Variants in DSTN observed in about 807,000 individuals in gnomAD.
The protein encoded by DSTN is destrin.
DSTN carries 10 observed loss-of-function variants against 16.8 expected under a neutral mutation model. That is an observed-to-expected ratio of 0.60 (90% CI 0.37 to 1.01). DSTN has a LOEUF of 1.01. DSTN is among the 50% of genes least tolerant of loss of function. The pLI, the probability that DSTN is intolerant of heterozygous loss-of-function variation, is 0.01. For synonymous variants in DSTN, 57 were observed against 58.9 expected (o/e 0.97, Z 0.14); for missense variants, 141 against 196.7 (o/e 0.72, Z 1.69).
chr20:17,578,351 G>T (rs56994243), intron 1 of DSTN, among the ~76,000 whole-genome samples: 9,478 of 152,216 alleles, frequency 0.062, 455 homozygotes, highest in African/African-American at 0.13. Flanking sequence ...TGGAGGTGGA[G>T]TCCTTTAATT....
rs2035679438 is a variant in DSTN at position 17,609,745 on chromosome 20, A to G, written c.*2599A>G. On this transcript the variant is annotated 3_prime_UTR_variant, in exon 4 of 4. Coordinates refer to ENST00000246069, the MANE Select transcript of DSTN (RefSeq NM_006870.4). ...GGTTCAGACCTCAGCTGATTGGTCTACTGTTGGTCAGGAACAAAACTGCAA... is the reference window on the plus strand; with the variant it reads ...GGTTCAGACCTCAGCTGATTGGTCTGCTGTTGGTCAGGAACAAAACTGCAA... 1 of 152,228 alleles carries G rather than the reference A, an allele frequency of 6.6e-6. No individual in the cohort carries two copies. The allele number at this position is 152,228 out of a possible 1,614,324, so 9.4% of individuals were successfully genotyped here.
chr20:17,585,242 T>C (rs1233533507), intron 1 of DSTN, among the ~76,000 whole-genome samples: 1 of 152,204 alleles, frequency 6.6e-6, no homozygotes, highest in African/African-American at 2.4e-5. Flanking sequence ...TTGGGAATTG[T>C]TAAAGACTTA....
At position 17,609,633 on chromosome 20, in the gene DSTN, G is replaced by A. The variant is rs532861129; in HGVS notation, c.*2487G>A. On this transcript the variant is annotated 3_prime_UTR_variant, in exon 4 of 4. Coordinates refer to ENST00000246069, the MANE Select transcript of DSTN (RefSeq NM_006870.4). ...ATAAAATGCTAGTAGTTAGTCTCTA[G>A]GGGAACTTTTGAGAAAGTCTCAGTG... is the stretch of plus-strand genomic sequence containing the variant. 2.0e-5 allele frequency: 3 copies of A among 152,204 alleles called. No individual in the cohort carries two copies. Among genetic ancestry groups the A allele is most frequent in the African/African-American group, 7.2e-5 (3 of 41,446 alleles). 9.4% of individuals were successfully genotyped at this position (152,204 alleles called of 1,614,324 possible). A position where few individuals can be genotyped will look rare whatever the true frequency, so the allele number is the denominator to read the frequency against.
chr20:17,574,725 C>CAAAAA (rs775060379), intron 1 of DSTN, among the ~76,000 whole-genome samples: 10 of 52,916 alleles, frequency 1.9e-4, no homozygotes, highest in African/African-American at 5.6e-4. Flanking sequence ...GACTCAGTCT[C>CAAAAA]AAAAAAAAAA....
intron 1 of DSTN, among the ~76,000 whole-genome samples, chr20:17,591,487 T>C (rs933757291): frequency 6.6e-6 from 1 of 152,222 alleles, no homozygotes; most frequent in African/African-American, 2.4e-5. Flanking sequence ...AATAAAGTAC[T>C]CTTACCACTA....
intron 1 of DSTN, among the ~76,000 whole-genome samples, chr20:17,582,381 G>A (rs567144215): frequency 5.4e-4 from 82 of 151,964 alleles, no homozygotes; most frequent in Middle Eastern, 3.4e-3. Context: ...ACCCGGCCCC[G>A]AAGTATACAT....
intron 1 of DSTN, chr20:17,576,481 A>T: frequency 6.3e-6 from 1 of 158,652 alleles, no homozygotes. Flanking sequence ...ATGGGGTGAC[A>T]GATGTTGCAG....
chr20:17,604,477 C>T, intron 2 of DSTN, 78 bp from the exon 3 acceptor site: 1 of 1,424,506 alleles, frequency 7.0e-7, no homozygotes, highest in African/African-American at 1.4e-5. Flanking sequence ...CAAATGTTTA[C>T]ACAAGCAAAT....
At chr20:17,595,320 A>ACAGAGAAAATAGAATCTTT (rs1255197401) in intron 1 of DSTN, among the ~76,000 whole-genome samples, 6 of 152,166 alleles carry the variant, frequency 3.9e-5, no homozygotes, top group Non-Finnish European at 5.9e-5. Flanking sequence ...CTTATACTTC[A>ACAGAGAAAATAGAATCTTT]CAGAGAAAAT....
At chr20:17,574,866 T>TTTTA (rs2035257518) in intron 1 of DSTN, among the ~76,000 whole-genome samples, 2 of 111,416 alleles carry the variant, frequency 1.8e-5, no homozygotes, top group East Asian at 2.8e-4. Context: ...TTTTCTTTTC[T>TTTTA]TTTGTTTTTT....
intron 2 of DSTN, among the ~76,000 whole-genome samples, chr20:17,603,440 C>T (rs2035608211): frequency 6.6e-6 from 1 of 152,070 alleles, no homozygotes; most frequent in Non-Finnish European, 1.5e-5. Context: ...TGGTATATGT[C>T]ATTTTGTTTT....
At chr20:17,570,829 C>T (rs2035195550) in intron 1 of DSTN, among the ~76,000 whole-genome samples, 2 of 152,160 alleles carry the variant, frequency 1.3e-5, no homozygotes, top group African/African-American at 4.8e-5. Flanking sequence ...ATCTGGCAAT[C>T]GGCTTCCAGC....
At chr20:17,570,301 C>A in intron 1 of DSTN, 90 bp downstream of exon 1, 1 of 1,370,374 alleles carries the variant, frequency 7.3e-7, no homozygotes, top group Non-Finnish European at 9.4e-7. Flanking sequence ...AGGGGGTGAG[C>A]CGTGCCTCAG....
At chr20:17,590,145 A>T (rs567144006) in intron 1 of DSTN, among the ~76,000 whole-genome samples, 10 of 152,336 alleles carry the variant, frequency 6.6e-5, no homozygotes, top group Admixed American at 6.5e-5. Context: ...TTTAATGCTC[A>T]CGTTTCAAAG....
chr20:17,572,372 T>C (rs537194535), intron 1 of DSTN, among the ~76,000 whole-genome samples: 7 of 152,336 alleles, frequency 4.6e-5, no homozygotes, highest in African/African-American at 7.2e-5. Context: ...AGCCTCCTTA[T>C]ACAGAGATTG....
intron 1 of DSTN, among the ~76,000 whole-genome samples, chr20:17,574,691 A>C (rs1298546950): frequency 7.5e-6 from 1 of 134,132 alleles, no homozygotes; most frequent in Non-Finnish European, 1.5e-5. Context: ...GCACCATTGC[A>C]CTCCAGCCTG....
intron 1 of DSTN, among the ~76,000 whole-genome samples, chr20:17,600,287 A>G (rs1005179582): frequency 2.0e-5 from 3 of 152,060 alleles, no homozygotes; most frequent in African/African-American, 7.2e-5. Context: ...CTTTTTTTTT[A>G]TTAGAGAAAG....
intron 2 of DSTN, among the ~76,000 whole-genome samples, chr20:17,603,709 C>T (rs181336123): frequency 5.7e-4 from 87 of 152,270 alleles, no homozygotes; most frequent in African/African-American, 1.9e-3. Context: ...AGAGGGAGAA[C>T]GTGCTCCAAT....
At chr20:17,589,403 G>T (rs1043775408) in intron 1 of DSTN, among the ~76,000 whole-genome samples, 1 of 152,106 alleles carries the variant, frequency 6.6e-6, no homozygotes, top group African/African-American at 2.4e-5. Context: ...TAGACACGGG[G>T]TTTCACCATG....
Sources: allele counts gnomAD v4.1 joint callset (sites outside exome capture counted in the v4.1 genomes callset), GRCh38; gene constraint gnomAD v4.1.1; transcripts MANE v1.5; gene names NCBI Gene and HGNC (gene_info 2026-07-23, HGNC 2026-07-21).